The following CACNA1C variants were observed in gnomAD, a reference collection of about 807,000 sequenced individuals.
The protein encoded by CACNA1C is voltage-dependent L-type calcium channel subunit alpha-1C.
In CACNA1C, 30 loss-of-function variants were observed where a neutral mutation model predicts 229.0. That is an observed-to-expected ratio of 0.13 (90% confidence interval 0.10 to 0.18). The LOEUF (loss-of-function observed/expected upper bound fraction) is 0.18. CACNA1C is among the 10% of genes least tolerant of loss of function. CACNA1C has a pLI of 1.00. For missense variants in CACNA1C, 1,658 were observed against 2,845.0 expected, an observed-to-expected ratio of 0.58 and a Z score of 9.49; for synonymous variants, 1,114 against 1,132.5, an observed-to-expected ratio of 0.98 and a Z score of 0.33.
Position 2,504,826 on chromosome 12 carries a change from C to G in CACNA1C, c.1114-16C>G. 1 of 1,442,954 alleles carries G rather than the reference C, an allele frequency of 6.9e-7. No homozygotes were observed. The highest frequency in any genetic ancestry group is 1.2e-5 in the South Asian group (1 of 86,952). The allele number at this position is 1,442,954 out of a possible 1,614,324, so 89.4% of individuals were successfully genotyped here. On this transcript the variant is annotated splice_polypyrimidine_tract_variant and intron_variant, in intron 7 of 46. Coordinates refer to ENST00000399655, the MANE Select transcript of CACNA1C (RefSeq NM_000719.7). This position sits in a 1 kb window ranked among gnomAD's most constrained non-coding sequence, Gnocchi z 6.8. The stretch of plus-strand genomic sequence containing the variant: ...TTGCTGAGTGTGCCTCACTAACTAT[C>G]ATTCCGTTCTTCCAGGTCAATGATG...
At chr12:2,366,849 G>A (rs2097733961) in intron 3 of CACNA1C, among the ~76,000 whole-genome samples, 4 of 152,166 alleles carry the variant, frequency 2.6e-5, no homozygotes, top group Admixed American at 1.3e-4. Context: ...AGGCAAAGGG[G>A]AAGCAGGCAT....
intron 1 of CACNA1C, among the ~76,000 whole-genome samples, chr12:2,025,132 C>T (rs951743683): frequency 2.0e-5 from 3 of 152,194 alleles, no homozygotes; most frequent in Admixed American, 1.3e-4. Context: ...CCTTACCCTG[C>T]GTTCTCTGTC....
At chr12:2,171,175 A>G (rs2096461964) in intron 3 of CACNA1C, among the ~76,000 whole-genome samples, 2 of 152,226 alleles carry the variant, frequency 1.3e-5, no homozygotes, top group Non-Finnish European at 2.9e-5. Context: ...GGGCAGGGGC[A>G]GCCTGACCTG....
intron 1 of CACNA1C, among the ~76,000 whole-genome samples, chr12:1,990,961 C>A (rs1414918298): frequency 7.5e-6 from 1 of 133,646 alleles, no homozygotes; most frequent in Non-Finnish European, 1.6e-5. Context: ...GGTGCAAAGG[C>A]AATCAGTATC....
chr12:2,144,782 T>C (rs1233743510), intron 3 of CACNA1C, among the ~76,000 whole-genome samples: 1 of 151,328 alleles, frequency 6.6e-6, no homozygotes, highest in African/African-American at 2.4e-5. Flanking sequence ...TGTAGAGTTT[T>C]TCATCCTGCT....
rs1006600619 is a variant in CACNA1C, at chr12:2,595,017, G to T, written c.2664-857G>T. On this transcript the variant is annotated intron_variant, in intron 19 of 46. Coordinates refer to ENST00000399655, the MANE Select transcript of CACNA1C (RefSeq NM_000719.7). The surrounding 1 kb of genome is among the most constrained non-coding windows in gnomAD (Gnocchi z 4.1). ...AGCTCAGTGGAGGTTGGTGGGAGGG[G>T]TTGTTGGTTTGAAGCAGATGATTCT... Among the ~76,000 whole-genome samples, 2 of 152,210 alleles carry T rather than the reference G, an allele frequency of 1.3e-5. No individual in the cohort carries two copies. The highest frequency in any genetic ancestry group is 4.8e-5 in the African/African-American group (2 of 41,450).
chr12:2,502,796 A>AT (rs2099763638), intron 7 of CACNA1C, among the ~76,000 whole-genome samples: 3 of 152,180 alleles, frequency 2.0e-5, no homozygotes, highest in Non-Finnish European at 4.4e-5. Context: ...GAAGCTGCAA[A>AT]GCCCAAGGGC....
chr12:2,630,720 A>G lies in CACNA1C; in HGVS notation c.3829-3577A>G, dbSNP rs2089997092. On this transcript the variant is annotated intron_variant, in intron 29 of 46. Transcript: ENST00000399655. This position sits in a 1 kb window ranked among gnomAD's most constrained non-coding sequence, Gnocchi z 5.4. The stretch of plus-strand genomic sequence containing the variant: ...CCCACTGCATTCCAGCTCTGTGGAA[A>G]TCCCCCAGGGCTGGGGCACAGGAGC... Among the ~76,000 whole-genome samples the G allele has an allele frequency of 1.3e-5, 2 of 152,126 alleles. No homozygotes were observed. The highest frequency in any genetic ancestry group is 6.5e-5 in the Admixed American group (1 of 15,278).
rs979364837 is a variant in CACNA1C, at chr12:2,525,897, G to A, written c.1390+12913G>A. On this transcript the variant is annotated intron_variant, in intron 9 of 46. Coordinates refer to ENST00000399655, the MANE Select transcript of CACNA1C (RefSeq NM_000719.7). ...TTAATCACCGTGATCACTTTGTGTC[G>A]ATGCCACACTGCTAGAGGGACAGAA... 3.3e-5 allele frequency among the ~76,000 whole-genome samples: 5 copies of A among 152,282 alleles called. No homozygotes were observed. In the East Asian group the frequency reaches 9.7e-4, roughly 29 times the overall value.
chr12:2,328,031 G>A (rs1049465819), intron 3 of CACNA1C, among the ~76,000 whole-genome samples: 4 of 152,198 alleles, frequency 2.6e-5, no homozygotes, highest in Non-Finnish European at 4.4e-5. Context: ...GCCCTAGATA[G>A]GGGGGCAGTT....
chr12:1,997,172 T>C (rs1320971516), intron 1 of CACNA1C, among the ~76,000 whole-genome samples: 1 of 152,160 alleles, frequency 6.6e-6, no homozygotes, highest in Non-Finnish European at 1.5e-5. Context: ...GACTAGACAA[T>C]GGAGGACTGA....
chr12:2,279,221 T>C (rs1012428311), intron 3 of CACNA1C, among the ~76,000 whole-genome samples: 9 of 152,214 alleles, frequency 5.9e-5, no homozygotes, highest in African/African-American at 2.2e-4. Flanking sequence ...TTGGAAGTCA[T>C]TTTCCATATA....
intron 1 of CACNA1C, among the ~76,000 whole-genome samples, chr12:2,071,053 T>TC (rs1555115163): frequency 4.5e-5 from 4 of 89,830 alleles, no homozygotes; most frequent in African/African-American, 1.5e-4. Flanking sequence ...CCCCTTCCCT[T>TC]CCTCCCTCCC....
chr12:2,272,594 C>T (rs1249180835), intron 3 of CACNA1C, among the ~76,000 whole-genome samples: 1 of 152,166 alleles, frequency 6.6e-6, no homozygotes, highest in Non-Finnish European at 1.5e-5. Context: ...GAAGTTATTC[C>T]TAGGGCCAGC....
chr12:2,534,248 C>A (rs2099847846), intron 9 of CACNA1C, among the ~76,000 whole-genome samples: 1 of 152,120 alleles, frequency 6.6e-6, no homozygotes, highest in Non-Finnish European at 1.5e-5. Flanking sequence ...ATTCTGGAGG[C>A]AGAGAGTAGG....
Position 2,212,143 on chromosome 12 carries a change from TC to T in CACNA1C, c.477+91715del, listed in dbSNP as rs376274323. The stretch of plus-strand genomic sequence containing the variant: ...AACCAAGAAATTATTAATATTTTGT[TC>T]CAGGTTATATGTTTTTATGGGGTGA... On this transcript the variant is annotated intron_variant, in intron 3 of 46. Coordinates refer to ENST00000399655, the MANE Select transcript of CACNA1C (RefSeq NM_000719.7). Among the ~76,000 whole-genome samples, 627 of 152,342 alleles carry T rather than the reference TC, an allele frequency of 4.1e-3. 13 individuals carry two copies. Among genetic ancestry groups the T allele is most frequent in the South Asian group, 0.033 (157 of 4,822 alleles).
intron 3 of CACNA1C, among the ~76,000 whole-genome samples, chr12:2,230,212 G>A (rs1014243957): frequency 6.6e-6 from 1 of 152,158 alleles, no homozygotes. Flanking sequence ...TCCGCAGCCC[G>A]GGGGGCGGGC....
intron 3 of CACNA1C, among the ~76,000 whole-genome samples, chr12:2,315,672 G>A (rs1321642026): frequency 6.6e-6 from 1 of 152,206 alleles, no homozygotes; most frequent in Non-Finnish European, 1.5e-5. Flanking sequence ...GGGAAGGGGT[G>A]TAAAAGGGAA....
chr12:2,069,348 G>A (rs4765661), intron 1 of CACNA1C, among the ~76,000 whole-genome samples: 36,123 of 152,148 alleles, frequency 0.24, 4,581 homozygotes, highest in African/African-American at 0.34. Flanking sequence ...CAAAGACGGA[G>A]CCTTATGGAA....
Sources: gnomAD v4.1 joint callset for allele counts (sites outside exome capture counted in the v4.1 genomes callset) on GRCh38, gnomAD v4.1.1 for gene constraint, Gnocchi (gnomAD v3.1) non-coding constraint, MANE v1.5 for transcripts, NCBI Gene and HGNC (gene_info 2026-07-23, HGNC 2026-07-21) for gene names.